The following ARPIN variants were observed in gnomAD, a reference collection of about 807,000 sequenced individuals.
ARPIN encodes the protein UPF0552 protein C15orf38.
Under a neutral mutation model 25.9 loss-of-function variants are expected in ARPIN, and 23 were observed. The observed-to-expected ratio is 0.89, with a 90% confidence interval of 0.64 to 1.26. The LOEUF (loss-of-function observed/expected upper bound fraction) is 1.26. Ranked by LOEUF, ARPIN falls within the 50% of genes most tolerant of loss-of-function variation. The pLI, the probability that ARPIN is intolerant of heterozygous loss-of-function variation, is 0.00. For synonymous variants in ARPIN, 126 were observed against 131.4 expected (o/e 0.96, Z 0.28); for missense variants, 333 against 312.2 (o/e 1.07, Z -0.50).
chr15:89,903,483 G>C, intron 4 of ARPIN, 104 bp from the exon 5 acceptor site: 1 of 1,546,462 alleles, frequency 6.5e-7, no homozygotes, highest in Non-Finnish European at 8.8e-7. Context: ...TTAAACCACT[G>C]TTTTCTCCAG....
At position 89,901,515 on chromosome 15, in the gene ARPIN, A is replaced by C; in HGVS notation, c.*280T>G. 1 of 470,470 alleles carries C rather than the reference A, an allele frequency of 2.1e-6. No individual in the cohort carries two copies. The highest frequency in any genetic ancestry group is 3.8e-6 in the Non-Finnish European group (1 of 262,118). The allele number at this position is 470,470 out of a possible 1,614,324, so 29.1% of individuals were successfully genotyped here. On this transcript the variant is annotated 3_prime_UTR_variant, in exon 6 of 6. Coordinates refer to ENST00000357484, the MANE Select transcript of ARPIN (RefSeq NM_182616.4). The stretch of plus-strand genomic sequence containing the variant: ...GCAACATAGTGAGACCTCCATCTCT[A>C]ATTTTTTTTTAAAGGGTCATCATGT...
chr15:89,908,326 G>A lies in ARPIN; in HGVS notation c.255C>T (p.Phe85=). ...CCGTGTTCACCTTCCTGGTGGCGCTGAAGTTGGGCTCGATTTCATTTCCCT... is the reference window on the plus strand; with the variant it reads ...CCGTGTTCACCTTCCTGGTGGCGCTAAAGTTGGGCTCGATTTCATTTCCCT... The part of the protein sequence containing the change: ...DAKGNEIEPN[F]SATRKVNTGF... Residue 85 remains phenylalanine, a synonymous_variant, in exon 3 of 6, where the codon TTC becomes TTT. Coordinates refer to ENST00000357484, the MANE Select transcript of ARPIN (RefSeq NM_182616.4). 6.2e-7 allele frequency: 1 copy of A among 1,614,206 alleles called. No individual in the cohort carries two copies. The highest frequency in any genetic ancestry group is 8.5e-7 in the Non-Finnish European group (1 of 1,180,040).
At chr15:89,902,891 G>A (rs1897045978) in intron 5 of ARPIN, 23 of 1,262,920 alleles carry the variant, frequency 1.8e-5, no homozygotes, top group South Asian at 5.0e-5. Context: ...GCCTCAGCAT[G>A]GTTAATGTAT....
chr15:89,898,641 C>T lies in ARPIN; in HGVS notation c.*3154G>A, dbSNP rs970096956. The T allele has an allele frequency of 6.6e-6, 1 of 152,188 alleles. No individual in the cohort carries two copies. The highest frequency in any genetic ancestry group is 1.5e-5 in the Non-Finnish European group (1 of 68,044). 9.4% of individuals were successfully genotyped at this position (152,188 alleles called of 1,614,324 possible). A position where few individuals can be genotyped will look rare whatever the true frequency, so the allele number is the denominator to read the frequency against. On this transcript the variant is annotated 3_prime_UTR_variant, in exon 6 of 6. Transcript: ENST00000357484. ...AACAACCTGTGGAAGATCCCTCAGG[C>T]TGGTCTGAAAGAATCGCCCCAGAGC... is the stretch of plus-strand genomic sequence containing the variant.
chr15:89,903,721 G>A, intron 4 of ARPIN, 56 bp downstream of exon 4: 1 of 1,598,344 alleles, frequency 6.3e-7, no homozygotes, highest in Non-Finnish European at 8.5e-7. Flanking sequence ...GGGAGGCCAA[G>A]AGCCCCCATG....
In ARPIN at chr15:89,895,165, T is replaced by C. The variant is rs1229064902; in HGVS notation, c.*6630A>G. On this transcript the variant is annotated 3_prime_UTR_variant, in exon 6 of 6. Coordinates refer to ENST00000357484, the MANE Select transcript of ARPIN (RefSeq NM_182616.4). ...ATTACAGGGGAAAATGGGAAGAAAA[T>C]TATTACAAAAATGAGAAATTGGTTA... The C allele has an allele frequency of 6.6e-6, 1 of 151,878 alleles. No individual in the cohort carries two copies. The highest frequency in any genetic ancestry group is 2.1e-4 in the South Asian group (1 of 4,820). 9.4% of individuals were successfully genotyped at this position (151,878 alleles called of 1,614,324 possible).
chr15:89,898,520 C>A lies in ARPIN; in HGVS notation c.*3275G>T, dbSNP rs1212746304. The A allele has an allele frequency of 3.3e-5, 5 of 152,188 alleles. No homozygotes were observed. The highest frequency in any genetic ancestry group is 1.2e-4 in the African/African-American group (5 of 41,446). 9.4% of individuals were successfully genotyped at this position (152,188 alleles called of 1,614,324 possible). A position where few individuals can be genotyped will look rare whatever the true frequency, so the allele number is the denominator to read the frequency against. On this transcript the variant is annotated 3_prime_UTR_variant, in exon 6 of 6. Coordinates refer to ENST00000357484, the MANE Select transcript of ARPIN (RefSeq NM_182616.4). ...AGTAAATGTTAGTATAGTTAAAGCT[C>A]CAAGAAATCCTACAGAAATGTTTGA...
intron 2 of ARPIN, among the ~76,000 whole-genome samples, chr15:89,908,685 T>C (rs1187413572): frequency 6.6e-6 from 1 of 151,948 alleles, no homozygotes. Context: ...AAAGTATATA[T>C]AGAAAACCAT....
chr15:89,912,856 C>A lies in ARPIN; in HGVS notation c.-21G>T. 3 of 1,514,540 alleles carry A rather than the reference C, an allele frequency of 2.0e-6. No individual in the cohort carries two copies. The highest frequency in any genetic ancestry group is 2.6e-6 in the Non-Finnish European group (3 of 1,135,316). 93.8% of individuals were successfully genotyped at this position (1,514,540 alleles called of 1,614,324 possible). A position where few individuals can be genotyped will look rare whatever the true frequency, so the allele number is the denominator to read the frequency against. On this transcript the variant is annotated 5_prime_UTR_variant, in exon 1 of 6. Coordinates refer to ENST00000357484, the MANE Select transcript of ARPIN (RefSeq NM_182616.4). Reference sequence around the variant, plus strand: ...CTCATTCTCCCGACCGCCCGGGCACCCCGGCACAGAGCCGGCGCACTGGGC... The same window carrying A: ...CTCATTCTCCCGACCGCCCGGGCACACCGGCACAGAGCCGGCGCACTGGGC...
rs553864882 is a variant in ARPIN at position 89,900,994 on chromosome 15, C to T, written c.*801G>A. ...CTGAGAGATGCGGACCAGCCAGCCACGCCTGGGAACGCTGTTGGCCTCTCT... is the reference window on the plus strand; with the variant it reads ...CTGAGAGATGCGGACCAGCCAGCCATGCCTGGGAACGCTGTTGGCCTCTCT... On this transcript the variant is annotated 3_prime_UTR_variant, in exon 6 of 6. Transcript: ENST00000357484. 7 of 152,294 alleles carry T rather than the reference C, an allele frequency of 4.6e-5. No individual in the cohort carries two copies. The highest frequency in any genetic ancestry group is 6.5e-5 in the Admixed American group (1 of 15,300). The allele number at this position is 152,294 out of a possible 1,614,324, so 9.4% of individuals were successfully genotyped here. A position where few individuals can be genotyped will look rare whatever the true frequency, so the allele number is the denominator to read the frequency against.
At chr15:89,910,341 C>T (rs1897201421) in intron 2 of ARPIN, among the ~76,000 whole-genome samples, 1 of 152,098 alleles carries the variant, frequency 6.6e-6, no homozygotes, top group Admixed American at 6.5e-5. Context: ...TACCCACAGA[C>T]ACCTGAGATG....
At chr15:89,912,663 T>TGGGGGGGGCCCC in intron 1 of ARPIN, 81 bp downstream of exon 1, 1 of 871,108 alleles carries the variant, frequency 1.1e-6, no homozygotes, top group Non-Finnish European at 1.4e-6. Flanking sequence ...CCCACCCGCA[T>TGGGGGGGGCCCC]CCCACCCCCC....
intron 5 of ARPIN, chr15:89,903,004 C>A: frequency 6.9e-7 from 1 of 1,448,546 alleles, no homozygotes; most frequent in Non-Finnish European, 9.1e-7. Context: ...TAGTTAGGTT[C>A]AGAGCCACCT....
chr15:89,908,273 T>C lies in ARPIN; in HGVS notation c.301+7A>G, dbSNP rs774515298. The C allele has an allele frequency of 7.4e-6, 12 of 1,613,878 alleles. No homozygotes were observed. In the South Asian group the frequency reaches 8.8e-5, roughly 12 times the overall value. ...TGAGGGAGAGAGGGAGGGCAGAGGA[T>C]ACCTACTGTAGGACGACATGAGGAA... On this transcript the variant is annotated splice_region_variant and intron_variant, in intron 3 of 5. Transcript: ENST00000357484.
chr15:89,908,062 G>T (rs573678469), intron 3 of ARPIN, among the ~76,000 whole-genome samples: 8 of 152,188 alleles, frequency 5.3e-5, no homozygotes, highest in Admixed American at 2.6e-4. Context: ...AGGTGGGAAG[G>T]CCAGCCTGGC....
In ARPIN at chr15:89,903,794, C is replaced by T; in HGVS notation, c.491G>A (p.Gly164Asp). ...LGAGVRLKTRGDGPFLDSLAK... is the reference protein window; with the variant it reads ...LGAGVRLKTRDDGPFLDSLAK... ...TTGCTCACCCAGGAAGGGACCATCG[C>T]CCCGAGTCTTCAGCCGTACCCCGGC... Residue 164 changes from glycine (G) to aspartate (D), a missense_variant, in exon 4 of 6, where the codon GGC becomes GAC. Transcript: ENST00000357484. The T allele has an allele frequency of 6.2e-7, 1 of 1,614,198 alleles. No individual in the cohort carries two copies. Among genetic ancestry groups the T allele is most frequent in the African/African-American group, 1.3e-5 (1 of 75,066 alleles).
In ARPIN at chr15:89,899,170, A is replaced by C. The variant is rs1596230879; in HGVS notation, c.*2625T>G. On this transcript the variant is annotated 3_prime_UTR_variant, in exon 6 of 6. Coordinates refer to ENST00000357484, the MANE Select transcript of ARPIN (RefSeq NM_182616.4). Reference sequence around the variant, plus strand: ...GCAATCTCAGCTCACTGCAACCTCCACCTCCCGGGTTCAAGAAATTCTCAT... The same window carrying C: ...GCAATCTCAGCTCACTGCAACCTCCCCCTCCCGGGTTCAAGAAATTCTCAT... 7.4e-6 allele frequency: 1 copy of C among 135,998 alleles called. No homozygotes were observed. 8.4% of individuals were successfully genotyped at this position (135,998 alleles called of 1,614,324 possible).
At chr15:89,910,685 CA>C in intron 2 of ARPIN, 58 bp downstream of exon 2, 1 of 1,607,708 alleles carries the variant, frequency 6.2e-7, no homozygotes, top group East Asian at 2.2e-5. Flanking sequence ...GGAGATGCCA[CA>C]GTGGATGATG....
At position 89,901,615 on chromosome 15, in the gene ARPIN, A is replaced by C. The variant is rs1897022266; in HGVS notation, c.*180T>G. The C allele has an allele frequency of 1.6e-5, 11 of 695,182 alleles. No individual in the cohort carries two copies. The South Asian group carries it at 1.6e-4, about 10-fold the overall frequency. 43.1% of individuals were successfully genotyped at this position (695,182 alleles called of 1,614,324 possible). On this transcript the variant is annotated 3_prime_UTR_variant, in exon 6 of 6. Coordinates refer to ENST00000357484, the MANE Select transcript of ARPIN (RefSeq NM_182616.4). ...CACAGCATGAGGCCCCACCACCAAC[A>C]CAGTGGTCATGGGTTTGGTTTTAGC...
Sources: gnomAD v4.1 joint callset for allele counts (sites outside exome capture counted in the v4.1 genomes callset) on GRCh38, gnomAD v4.1.1 for gene constraint, MANE v1.5 for transcripts, NCBI Gene and HGNC (gene_info 2026-07-23, HGNC 2026-07-21) for gene names.